STARD13: variants seen among roughly 807,000 people sequenced by gnomAD.
STARD13 encodes StAR related lipid transfer domain containing 13.
A neutral mutation model predicts 106.4 loss-of-function variants in STARD13; 62 were observed. That is an observed-to-expected ratio of 0.58 (90% CI 0.48 to 0.72). The LOEUF (loss-of-function observed/expected upper bound fraction) is 0.72. Ranked by LOEUF, STARD13 falls within the 30% of genes least tolerant of loss-of-function variation. The pLI is 0.00. For missense variants in STARD13, 1,387 were observed against 1,424.0 expected (o/e 0.97, Z 0.42); for synonymous variants, 565 against 553.0 (o/e 1.02, Z -0.31).
At chr13:33,344,736 A>G (rs1023230521), downstream of STARD13, among the ~76,000 whole-genome samples, 14 of 152,248 alleles carry the variant, frequency 9.2e-5, no homozygotes, top group Admixed American at 3.3e-4. Flanking sequence ...TCCTGTGTCT[A>G]TGATAAATGA....
chr13:33,237,862 C>T (rs879867848), intron 1 of STARD13, among the ~76,000 whole-genome samples: 20 of 152,140 alleles, frequency 1.3e-4, no homozygotes, highest in Admixed American at 6.5e-4. Flanking sequence ...GTGACAAAAA[C>T]CAAGAGTATG....
upstream of STARD13, among the ~76,000 whole-genome samples, chr13:33,352,927 A>C (rs1170302481): frequency 6.6e-6 from 1 of 152,182 alleles, no homozygotes; most frequent in South Asian, 2.1e-4. Context: ...AATATCACCT[A>C]TTAGGAGAAA....
At chr13:33,106,260 A>G (rs1178529071) in intron 13 of STARD13, among the ~76,000 whole-genome samples, 7 of 152,110 alleles carry the variant, frequency 4.6e-5, no homozygotes, top group Admixed American at 4.6e-4. Flanking sequence ...TCTCTACAAA[A>G]ACATACAAAA....
At chr13:33,333,756 T>C (rs1268554760) in intron 1 of STARD13, 3 of 152,216 alleles carry the variant, frequency 2.0e-5, no homozygotes, top group African/African-American at 4.8e-5. Context: ...GGAAAGGCTT[T>C]GCTCTTGAAG....
the STARD13 span, among the ~76,000 whole-genome samples, chr13:33,506,205 C>A: frequency 6.6e-6 from 1 of 152,084 alleles, no homozygotes; most frequent in East Asian, 1.9e-4. Flanking sequence ...AAGAAAGAAG[C>A]ATTAAAGCAC....
chr13:33,368,634 G>A, the STARD13 span, among the ~76,000 whole-genome samples: 1 of 152,156 alleles, frequency 6.6e-6, no homozygotes, highest in African/African-American at 2.4e-5. Flanking sequence ...GCTTGGTGCT[G>A]GAGATAGCAA....
chr13:33,613,609 GATA>G, the STARD13 span, among the ~76,000 whole-genome samples: 1 of 152,196 alleles, frequency 6.6e-6, no homozygotes, highest in East Asian at 1.9e-4. Context: ...ATGTTGAGTG[GATA>G]ACCAAGCACC....
the STARD13 span, among the ~76,000 whole-genome samples, chr13:33,359,187 C>A: frequency 2.0e-5 from 3 of 152,164 alleles, no homozygotes; most frequent in African/African-American, 4.8e-5. Context: ...ACTGCTCACT[C>A]TTTGGGTCCA....
the STARD13 span, among the ~76,000 whole-genome samples, chr13:33,534,085 A>G: frequency 1.3e-5 from 2 of 152,210 alleles, no homozygotes; most frequent in Non-Finnish European, 2.9e-5. Flanking sequence ...TGGTATCACA[A>G]TAGGAATGCT....
chr13:33,514,266 C>G, the STARD13 span, among the ~76,000 whole-genome samples: 2 of 152,132 alleles, frequency 1.3e-5, no homozygotes, highest in Non-Finnish European at 2.9e-5. Context: ...TTGTAGAGGT[C>G]TTAGCTTAAT....
chr13:33,206,117 A>G (rs975047701), intron 1 of STARD13: 1 of 565,468 alleles, frequency 1.8e-6, no homozygotes, highest in Non-Finnish European at 2.2e-6. Flanking sequence ...TGGATTTCCT[A>G]TAAATCCTCT....
At chr13:33,325,121 T>C (rs2077758899) in intron 1 of STARD13, among the ~76,000 whole-genome samples, 1 of 152,250 alleles carries the variant, frequency 6.6e-6, no homozygotes, top group African/African-American at 2.4e-5. Flanking sequence ...AAAAAGTTTG[T>C]CACAGTTTGC....
chr13:33,469,857 T>C, the STARD13 span, among the ~76,000 whole-genome samples: 2 of 152,142 alleles, frequency 1.3e-5, no homozygotes, highest in African/African-American at 4.8e-5. Context: ...GAAAAGGATG[T>C]TCATGAGACA....
At chr13:33,548,608 G>C in the STARD13 span, among the ~76,000 whole-genome samples, 5 of 152,078 alleles carry the variant, frequency 3.3e-5, no homozygotes, top group Non-Finnish European at 7.4e-5. Context: ...AGATATGTGT[G>C]ATACGTTTGT....
chr13:33,388,015 T>A, the STARD13 span, among the ~76,000 whole-genome samples: 3 of 152,162 alleles, frequency 2.0e-5, no homozygotes, highest in South Asian at 6.2e-4. Flanking sequence ...TGTCCTGGGC[T>A]AAGAAGCTGG....
At chr13:33,622,602 G>C in the STARD13 span, among the ~76,000 whole-genome samples, 265 of 106,324 alleles carry the variant, frequency 2.5e-3, no homozygotes, top group Middle Eastern at 0.031. Flanking sequence ...GCGACAGAGC[G>C]AGACTCCGTC....
chr13:33,170,582 T>C (rs17644292), intron 1 of STARD13, among the ~76,000 whole-genome samples: 16,440 of 152,192 alleles, frequency 0.11, 1,067 homozygotes, highest in East Asian at 0.36. Context: ...GCACTTAAAC[T>C]TTTAGACCTC....
At chr13:33,451,441 T>C in the STARD13 span, among the ~76,000 whole-genome samples, 11 of 152,014 alleles carry the variant, frequency 7.2e-5, no homozygotes, top group East Asian at 3.9e-4. Context: ...AGGTGAAACA[T>C]AGGGCCCGGA....
chr13:33,426,406 A>G, the STARD13 span, among the ~76,000 whole-genome samples: 4 of 152,174 alleles, frequency 2.6e-5, no homozygotes, highest in Admixed American at 1.3e-4. Context: ...TCTGCCTTCT[A>G]TCACACACTT....
Sources: gnomAD v4.1 joint callset for allele counts (sites outside exome capture counted in the v4.1 genomes callset) on GRCh38, gnomAD v4.1.1 for gene constraint, MANE v1.5 for transcripts, NCBI Gene and HGNC (gene_info 2026-07-23, HGNC 2026-07-21) for gene names.